The following PTPRG variants were observed in gnomAD, a reference collection of about 807,000 sequenced individuals.
PTPRG encodes the protein receptor-type tyrosine-protein phosphatase gamma.
PTPRG carries 102 observed loss-of-function variants against 165.3 expected under a neutral mutation model. The ratio of observed to expected loss-of-function variants is 0.62; its 90% CI spans 0.53 to 0.73. The LOEUF is 0.73. PTPRG is among the 30% of genes least tolerant of loss of function. The pLI is 0.00. For missense variants in PTPRG, 1,866 were observed against 1,861.4 expected (o/e 1.00, Z -0.05); for synonymous variants, 675 against 669.5 (o/e 1.01, Z -0.13).
intron 7 of PTPRG, among the ~76,000 whole-genome samples, chr3:62,158,113 C>T (rs568460374): frequency 4.5e-4 from 69 of 152,196 alleles, no homozygotes; most frequent in African/African-American, 1.6e-3. Context: ...TTAGGCTGGG[C>T]AGTTAACTGT....
chr3:62,091,486 T>A (rs1351226940), intron 5 of PTPRG, among the ~76,000 whole-genome samples: 4 of 152,144 alleles, frequency 2.6e-5, no homozygotes, highest in Non-Finnish European at 5.9e-5. Context: ...CCCAGATGCC[T>A]CCAGATGGTG....
At chr3:62,118,848 G>A (rs1576024158) in intron 5 of PTPRG, among the ~76,000 whole-genome samples, 1 of 152,076 alleles carries the variant, frequency 6.6e-6, no homozygotes, top group African/African-American at 2.4e-5. Flanking sequence ...GCCAAGACTT[G>A]GATCACATCT....
At chr3:61,884,555 G>T (rs957925420) in intron 2 of PTPRG, among the ~76,000 whole-genome samples, 1 of 152,210 alleles carries the variant, frequency 6.6e-6, no homozygotes, top group Non-Finnish European at 1.5e-5. Flanking sequence ...CAAGAAAAGT[G>T]AGAAGATACA....
intron 1 of PTPRG, among the ~76,000 whole-genome samples, chr3:61,684,721 A>T (rs1703565359): frequency 6.6e-6 from 1 of 152,230 alleles, no homozygotes. Flanking sequence ...CAATTGCAGA[A>T]CCAAGAATTA....
intron 8 of PTPRG, among the ~76,000 whole-genome samples, chr3:62,174,062 C>G (rs1228055966): frequency 2.0e-5 from 3 of 152,190 alleles, no homozygotes; most frequent in Non-Finnish European, 4.4e-5. Flanking sequence ...CCACTCTGCC[C>G]TTTGTCGGCA....
At chr3:62,287,627 A>T (rs1476509667) in intron 28 of PTPRG, among the ~76,000 whole-genome samples, 1 of 152,192 alleles carries the variant, frequency 6.6e-6, no homozygotes, top group Non-Finnish European at 1.5e-5. Flanking sequence ...GGGGCAATAA[A>T]ATACAGGTTA....
At chr3:61,779,687 A>T (rs187926656) in intron 2 of PTPRG, among the ~76,000 whole-genome samples, 3 of 147,688 alleles carry the variant, frequency 2.0e-5, no homozygotes, top group Non-Finnish European at 4.4e-5. Context: ...CTTGTTTAGT[A>T]ATCAGTGGAG....
intron 3 of PTPRG, among the ~76,000 whole-genome samples, chr3:61,995,071 C>CTTT (rs2040989046): frequency 1.8e-5 from 2 of 109,022 alleles, no homozygotes; most frequent in African/African-American, 7.4e-5. Context: ...TTTCTTTTTT[C>CTTT]TTTTCTTTCT....
At chr3:61,656,122 C>T (rs1559543006) in intron 1 of PTPRG, among the ~76,000 whole-genome samples, 1 of 151,606 alleles carries the variant, frequency 6.6e-6, no homozygotes, top group Admixed American at 6.6e-5. Context: ...AGTCCCACTT[C>T]TCAGGAGGCT....
chr3:61,733,960 G>A (rs2032621712), intron 1 of PTPRG, among the ~76,000 whole-genome samples: 1 of 152,112 alleles, frequency 6.6e-6, no homozygotes, highest in African/African-American at 2.4e-5. Context: ...ACCATACCTG[G>A]CTAATTTTTG....
At chr3:62,016,810 C>G (rs1046322439) in intron 4 of PTPRG, among the ~76,000 whole-genome samples, 2 of 152,126 alleles carry the variant, frequency 1.3e-5, no homozygotes, top group Non-Finnish European at 2.9e-5. Flanking sequence ...CTCATTCACC[C>G]CCACACTTCT....
chr3:61,683,155 C>A (rs980149993), intron 1 of PTPRG, among the ~76,000 whole-genome samples: 2 of 152,154 alleles, frequency 1.3e-5, no homozygotes, highest in African/African-American at 4.8e-5. Context: ...TTTTTATTTT[C>A]CATAAAGTTG....
At chr3:61,943,868 C>T (rs141847144) in intron 2 of PTPRG, among the ~76,000 whole-genome samples, 27 of 152,294 alleles carry the variant, frequency 1.8e-4, no homozygotes, top group Non-Finnish European at 3.2e-4. Flanking sequence ...ATCACCCTCC[C>T]TAGTCTGAAG....
At chr3:61,729,689 T>A (rs2032413258) in intron 1 of PTPRG, among the ~76,000 whole-genome samples, 1 of 152,204 alleles carries the variant, frequency 6.6e-6, no homozygotes, top group Admixed American at 6.5e-5. Flanking sequence ...TCACCATGCA[T>A]TTAAAACATG....
chr3:62,170,205 T>C (rs561929304), intron 8 of PTPRG, among the ~76,000 whole-genome samples: 57 of 152,112 alleles, frequency 3.7e-4, no homozygotes, highest in Non-Finnish European at 7.4e-4. Context: ...TAGGTTGGGC[T>C]GCCGTGGAAA....
intron 4 of PTPRG, among the ~76,000 whole-genome samples, chr3:62,033,023 G>A (rs1247675255): frequency 6.6e-6 from 1 of 152,090 alleles, no homozygotes; most frequent in Non-Finnish European, 1.5e-5. Flanking sequence ...ATCTCACATT[G>A]GATGTTCAAT....
At chr3:61,874,856 A>G (rs769923958) in intron 2 of PTPRG, among the ~76,000 whole-genome samples, 10 of 152,226 alleles carry the variant, frequency 6.6e-5, no homozygotes, top group Non-Finnish European at 1.5e-4. Flanking sequence ...CTGAATTCCC[A>G]GACTTCTTCA....
chr3:61,917,668 G>T (rs994132420), intron 2 of PTPRG, among the ~76,000 whole-genome samples: 2 of 152,184 alleles, frequency 1.3e-5, no homozygotes, highest in Non-Finnish European at 1.5e-5. Context: ...GGTGGCTCAC[G>T]CCTGTAATCC....
intron 6 of PTPRG, among the ~76,000 whole-genome samples, chr3:62,144,171 A>C (rs1249530667): frequency 6.6e-6 from 1 of 152,244 alleles, no homozygotes; most frequent in African/African-American, 2.4e-5. Context: ...TTATGTGTTT[A>C]ATCTCTGGCC....
Sources: allele counts gnomAD v4.1 joint callset (sites outside exome capture counted in the v4.1 genomes callset), GRCh38; gene constraint gnomAD v4.1.1; transcripts MANE v1.5; gene names NCBI Gene and HGNC (gene_info 2026-07-23, HGNC 2026-07-21).